ULK4: variants seen among roughly 807,000 people sequenced by gnomAD.
The protein encoded by ULK4 is inactive serine/threonine-protein kinase ULK4.
In ULK4, 133 loss-of-function variants were observed where a neutral mutation model predicts 160.6. The observed-to-expected ratio is 0.83, with a 90% CI of 0.72 to 0.96. ULK4 has a LOEUF of 0.96. ULK4 is among the 40% of genes least tolerant of loss of function. ULK4 has a pLI of 0.00. For missense variants in ULK4, 1,580 were observed against 1,499.5 expected (o/e 1.05, Z -0.89); for synonymous variants, 534 against 539.8 (o/e 0.99, Z 0.15).
intron 30 of ULK4, among the ~76,000 whole-genome samples, chr3:41,618,283 G>A (rs1488905866): frequency 6.6e-6 from 1 of 152,066 alleles, no homozygotes; most frequent in Non-Finnish European, 1.5e-5. Flanking sequence ...ACACAACTAA[G>A]ATACTCCTCA....
chr3:41,762,745 C>T (rs1358612354), intron 21 of ULK4, among the ~76,000 whole-genome samples: 1 of 146,868 alleles, frequency 6.8e-6, no homozygotes, highest in Non-Finnish European at 1.5e-5. Flanking sequence ...TCACTGCAAG[C>T]TCCGCCTCCC....
At chr3:41,607,124 T>A (rs975029866) in intron 31 of ULK4, among the ~76,000 whole-genome samples, 1 of 152,108 alleles carries the variant, frequency 6.6e-6, no homozygotes, top group Non-Finnish European at 1.5e-5. Flanking sequence ...AGTTAATTTT[T>A]GGATATGGTG....
chr3:41,859,534 C>A (rs1422991214), intron 17 of ULK4: 4 of 543,900 alleles, frequency 7.4e-6, no homozygotes, highest in Non-Finnish European at 1.5e-5. Context: ...CACCAAGAAG[C>A]CAACGAAGCC....
intron 22 of ULK4, among the ~76,000 whole-genome samples, chr3:41,733,174 C>A (rs2037891861): frequency 6.6e-6 from 1 of 152,078 alleles, no homozygotes; most frequent in African/African-American, 2.4e-5. Flanking sequence ...CTAATTTGAT[C>A]ATTACACAGT....
intron 2 of ULK4, among the ~76,000 whole-genome samples, chr3:41,952,586 A>G (rs1233741719): frequency 6.6e-6 from 1 of 152,222 alleles, no homozygotes; most frequent in Non-Finnish European, 1.5e-5. Context: ...ATAAGGATGC[A>G]GAGAAACCGA....
intron 34 of ULK4, among the ~76,000 whole-genome samples, chr3:41,407,215 C>G (rs2082311961): frequency 6.6e-6 from 1 of 151,962 alleles, no homozygotes; most frequent in African/African-American, 2.4e-5. Context: ...TACAAAAGAA[C>G]AACAACAACA....
At chr3:41,830,326 C>A (rs946276325) in intron 18 of ULK4, among the ~76,000 whole-genome samples, 1 of 151,940 alleles carries the variant, frequency 6.6e-6, no homozygotes, top group African/African-American at 2.4e-5. Context: ...AGGAAAATTA[C>A]TCTCTATATC....
At chr3:41,477,631 T>C (rs1027638302) in intron 32 of ULK4, among the ~76,000 whole-genome samples, 1 of 152,224 alleles carries the variant, frequency 6.6e-6, no homozygotes, top group Non-Finnish European at 1.5e-5. Flanking sequence ...AGAAGTCACA[T>C]TAAATCAGTT....
At chr3:41,335,579 A>C (rs1489677648) in intron 35 of ULK4, among the ~76,000 whole-genome samples, 1 of 152,202 alleles carries the variant, frequency 6.6e-6, no homozygotes, top group African/African-American at 2.4e-5. Context: ...GACACAAGAT[A>C]TAAGAAAATT....
At chr3:41,810,839 A>G (rs1269799736) in intron 19 of ULK4, among the ~76,000 whole-genome samples, 10 of 152,090 alleles carry the variant, frequency 6.6e-5, no homozygotes, top group Admixed American at 5.9e-4. Flanking sequence ...TCTCACATTC[A>G]AAAGTTAGTA....
chr3:41,455,592 G>C lies in ULK4; in HGVS notation c.3397C>G (p.Gln1133Glu), dbSNP rs2083527545. 6.2e-7 allele frequency: 1 copy of C among 1,613,754 alleles called. No homozygotes were observed. Among genetic ancestry groups the C allele is most frequent in the African/African-American group, 1.3e-5 (1 of 75,036 alleles). ...SGIVRLALQA[Q>E]KSGSGEDPQA... Reference sequence around the variant, plus strand: ...GGGTCCTCTCCTGAGCCAGACTTCTGGGCCTGGAACAGAGAGAAGAGAAAT... The same window carrying C: ...GGGTCCTCTCCTGAGCCAGACTTCTCGGCCTGGAACAGAGAGAAGAGAAAT... The change falls in exon 34 of 37, where the codon CAG becomes GAG. Residue 1133 changes from glutamine to glutamate, a missense_variant. Physicochemically the swap from Gln to Glu is conservative, Grantham distance 29 (BLOSUM62 2). Transcript: ENST00000301831.
Position 41,936,010 on chromosome 3 carries a change from C to A in ULK4, c.239-70G>T, listed in dbSNP as rs933728242. On this transcript the variant is annotated intron_variant, in intron 3 of 36. Coordinates refer to ENST00000301831, the MANE Select transcript of ULK4 (RefSeq NM_017886.4). ...CACAGAGTGCCCCTGAGAGGTTCCA[C>A]GCTGACAGATACGAACATTAAAAAA... The A allele has an allele frequency of 1.0e-5, 16 of 1,565,418 alleles. 1 individual carries two copies. The highest frequency in any genetic ancestry group is 1.4e-5 in the Non-Finnish European group (16 of 1,156,750).
chr3:41,471,422 T>C lies in ULK4; in HGVS notation c.3227-8169A>G, dbSNP rs528976328. On this transcript the variant is annotated intron_variant, in intron 32 of 36. Transcript: ENST00000301831. ...AATAGTATGGGACTTATCCCACTTA[T>C]AGCAATGGAAAAATCATCCAGACAG... Among the ~76,000 whole-genome samples the C allele has an allele frequency of 5.3e-5, 8 of 152,226 alleles. No individual in the cohort carries two copies. In the South Asian group the frequency reaches 6.2e-4, roughly 12 times the overall value.
intron 19 of ULK4, among the ~76,000 whole-genome samples, chr3:41,819,114 C>G (rs185402440): frequency 2.0e-3 from 311 of 152,242 alleles, no homozygotes; most frequent in Non-Finnish European, 2.6e-3. Context: ...ACTAGTGTAT[C>G]AATAATTTTA....
intron 35 of ULK4, among the ~76,000 whole-genome samples, chr3:41,392,580 G>A (rs1298709557): frequency 6.6e-6 from 1 of 152,002 alleles, no homozygotes; most frequent in African/African-American, 2.4e-5. Flanking sequence ...ACATATCTTG[G>A]GCTTGCCCTC....
At chr3:41,509,632 A>G (rs2085503414) in intron 32 of ULK4, among the ~76,000 whole-genome samples, 1 of 152,236 alleles carries the variant, frequency 6.6e-6, no homozygotes, top group East Asian at 1.9e-4. Context: ...ATTTATCAGT[A>G]GAAACTCTAC....
intron 29 of ULK4, among the ~76,000 whole-genome samples, chr3:41,676,248 G>A (rs1266073988): frequency 6.6e-6 from 1 of 152,136 alleles, no homozygotes; most frequent in Non-Finnish European, 1.5e-5. Flanking sequence ...AGAATCTAAA[G>A]TTATATAAAA....
intron 19 of ULK4, among the ~76,000 whole-genome samples, chr3:41,803,227 G>A (rs1054390788): frequency 5.3e-5 from 8 of 151,406 alleles, no homozygotes; most frequent in Non-Finnish European, 8.8e-5. Flanking sequence ...AGGCAGGAAG[G>A]ACATTGGATA....
At chr3:41,312,266 C>T (rs1028834224) in intron 35 of ULK4, among the ~76,000 whole-genome samples, 23 of 152,048 alleles carry the variant, frequency 1.5e-4, no homozygotes, top group Admixed American at 2.6e-4. Flanking sequence ...TGAGCCACCA[C>T]GCCAGGCTGA....
Sources: allele counts gnomAD v4.1 joint callset (sites outside exome capture counted in the v4.1 genomes callset), GRCh38; gene constraint gnomAD v4.1.1; transcripts MANE v1.5; gene names NCBI Gene and HGNC (gene_info 2026-07-23, HGNC 2026-07-21).